The following EHD4 variants were observed in gnomAD, a reference collection of about 807,000 sequenced individuals.
EHD4 encodes the protein EH domain containing 4.
EHD4 carries 37 observed loss-of-function variants against 51.0 expected under a neutral mutation model. The observed-to-expected ratio is 0.73, with a 90% CI of 0.56 to 0.95. EHD4 has a LOEUF of 0.95. Ranked by LOEUF, EHD4 falls within the 40% of genes least tolerant of loss-of-function variation. The pLI, the probability that EHD4 is intolerant of heterozygous loss-of-function variation, is 0.00. For missense variants in EHD4, 632 were observed against 733.1 expected (o/e 0.86, Z 1.59); for synonymous variants, 297 against 317.3 (o/e 0.94, Z 0.68).
intron 1 of EHD4, among the ~76,000 whole-genome samples, chr15:41,956,187 A>G (rs755363839): frequency 4.6e-5 from 7 of 152,260 alleles, no homozygotes; most frequent in Non-Finnish European, 7.3e-5. Context: ...AAGGTCACAC[A>G]CACTGATTAA....
Position 41,899,795 on chromosome 15 carries a change from G to A in EHD4, c.*850C>T, listed in dbSNP as rs1487219133. On this transcript the variant is annotated 3_prime_UTR_variant, in exon 6 of 6. Coordinates refer to ENST00000220325, the MANE Select transcript of EHD4 (RefSeq NM_139265.4). ...CTTTACTGTAGTTTAAGTATGATAA[G>A]TGGGCTTTGCTATTACTTATTGGAA... The A allele has an allele frequency of 6.6e-6, 1 of 152,244 alleles. No individual in the cohort carries two copies. Among genetic ancestry groups the A allele is most frequent in the African/African-American group, 2.4e-5 (1 of 41,464 alleles). 9.4% of individuals were successfully genotyped at this position (152,244 alleles called of 1,614,324 possible). A position where few individuals can be genotyped will look rare whatever the true frequency, so the allele number is the denominator to read the frequency against.
At chr15:41,914,785 AT>A (rs10713712) in intron 4 of EHD4, among the ~76,000 whole-genome samples, 95,223 of 126,322 alleles carry the variant, frequency 0.75, 36,058 homozygotes, top group East Asian at 0.96. Flanking sequence ...TTACAGGAGA[AT>A]TTTTTTTTTT....
Position 41,919,485 on chromosome 15 carries a change from T to C in EHD4, c.649A>G (p.Ile217Val). 6.4e-7 allele frequency: 1 copy of C among 1,559,456 alleles called. No individual in the cohort carries two copies. The highest frequency in any genetic ancestry group is 8.7e-7 in the Non-Finnish European group (1 of 1,154,814). ...TCGGCCTTGTTCAGCACGACACGGA[T>C]CTTGTCGTCCTGGCCCCGGAAGGCC... ...IKAFRGQDDK[I>V]RVVLNKADQV... Residue 217 changes from isoleucine to valine, a missense_variant, in exon 4 of 6, where the codon ATC becomes GTC. Physicochemically the swap from Ile to Val is conservative, Grantham distance 29. Coordinates refer to ENST00000220325, the MANE Select transcript of EHD4 (RefSeq NM_139265.4).
At chr15:41,950,672 G>A (rs1285951459) in intron 2 of EHD4, among the ~76,000 whole-genome samples, 1 of 152,160 alleles carries the variant, frequency 6.6e-6, no homozygotes, top group Admixed American at 6.5e-5. Context: ...GAGTTTACAT[G>A]AGGCATGTCC....
intron 5 of EHD4, among the ~76,000 whole-genome samples, chr15:41,906,776 C>A (rs560903092): frequency 6.6e-6 from 1 of 152,364 alleles, no homozygotes; most frequent in East Asian, 1.9e-4. Flanking sequence ...GGGTGACACA[C>A]CTGGTCTGGC....
chr15:41,936,973 G>T (rs1189389948), intron 3 of EHD4, among the ~76,000 whole-genome samples: 1 of 152,254 alleles, frequency 6.6e-6, no homozygotes, highest in African/African-American at 2.4e-5. Context: ...AACAGGATCT[G>T]CCAACAAATC....
At chr15:41,956,275 G>A (rs367725308) in intron 1 of EHD4, among the ~76,000 whole-genome samples, 8 of 152,080 alleles carry the variant, frequency 5.3e-5, no homozygotes, top group Non-Finnish European at 8.8e-5. Context: ...TGGGTGGCTC[G>A]CGGCAACACG....
rs557160546 is a variant in EHD4, at chr15:41,897,554, G to C, written c.*3091C>G. 1 of 152,480 alleles carries C rather than the reference G, an allele frequency of 6.6e-6. No homozygotes were observed. The highest frequency in any genetic ancestry group is 2.1e-4 in the South Asian group (1 of 4,828). 9.4% of individuals were successfully genotyped at this position (152,480 alleles called of 1,614,324 possible). ...GAGAAATGAATTGACAGACGCTGCA[G>C]GGCTGGAGCAGGAGGCGGAAGCAGG... is the stretch of plus-strand genomic sequence containing the variant. On this transcript the variant is annotated 3_prime_UTR_variant, in exon 6 of 6. Transcript: ENST00000220325.
At chr15:41,916,172 C>T (rs2067582526) in intron 4 of EHD4, among the ~76,000 whole-genome samples, 1 of 152,110 alleles carries the variant, frequency 6.6e-6, no homozygotes, top group South Asian at 2.1e-4. Flanking sequence ...GCTTGATAAA[C>T]CTAAACTTTG....
intron 3 of EHD4, 47 bp downstream of exon 3, chr15:41,943,020 G>T: frequency 1.4e-6 from 2 of 1,447,556 alleles, no homozygotes; most frequent in East Asian, 2.5e-5. Context: ...ACAGCAGAGA[G>T]GGCCTCAGCC....
At chr15:41,938,424 T>A (rs1461983312) in intron 3 of EHD4, among the ~76,000 whole-genome samples, 3 of 152,238 alleles carry the variant, frequency 2.0e-5, no homozygotes, top group Non-Finnish European at 4.4e-5. Flanking sequence ...TGAAGTGCAG[T>A]TAGATCCTCC....
intron 5 of EHD4, among the ~76,000 whole-genome samples, chr15:41,901,416 C>A (rs1003779498): frequency 6.6e-6 from 1 of 152,232 alleles, no homozygotes; most frequent in Non-Finnish European, 1.5e-5. Context: ...GCCGCATGAG[C>A]GACAGCAACC....
chr15:41,902,728 C>A (rs1020167467), intron 5 of EHD4, among the ~76,000 whole-genome samples: 1 of 150,484 alleles, frequency 6.6e-6, no homozygotes, highest in East Asian at 1.9e-4. Flanking sequence ...GGTCATTAGA[C>A]CCATATATAT....
At chr15:41,957,326 G>A (rs905100959) in intron 1 of EHD4, among the ~76,000 whole-genome samples, 11 of 152,110 alleles carry the variant, frequency 7.2e-5, no homozygotes, top group African/African-American at 2.7e-4. Flanking sequence ...GTGAGACCCT[G>A]TCTCTAAATA....
intron 1 of EHD4, 46 bp downstream of exon 1, chr15:41,972,213 G>A: frequency 6.9e-7 from 1 of 1,456,008 alleles, no homozygotes; most frequent in Non-Finnish European, 9.1e-7. Context: ...GCACACGTGG[G>A]GAGGGCGGAG....
At chr15:41,929,047 T>C (rs73410617) in intron 3 of EHD4, among the ~76,000 whole-genome samples, 115 of 152,320 alleles carry the variant, frequency 7.5e-4, no homozygotes, top group African/African-American at 2.6e-3. Flanking sequence ...TCTTGGAGAA[T>C]GTAACTGGTT....
intron 4 of EHD4, among the ~76,000 whole-genome samples, chr15:41,917,184 G>A (rs1007319791): frequency 5.4e-4 from 82 of 151,862 alleles, no homozygotes; most frequent in South Asian, 6.2e-4. Flanking sequence ...GCAGTGGCAC[G>A]ATCTTGGCTC....
At chr15:41,960,802 T>C (rs1336959008) in intron 1 of EHD4, among the ~76,000 whole-genome samples, 2 of 151,798 alleles carry the variant, frequency 1.3e-5, no homozygotes, top group African/African-American at 4.8e-5. Context: ...GCCTCCCAAG[T>C]AGCTGGGATT....
intron 5 of EHD4, among the ~76,000 whole-genome samples, chr15:41,909,186 A>C (rs1300066794): frequency 1.3e-5 from 2 of 152,248 alleles, no homozygotes; most frequent in Non-Finnish European, 1.5e-5. Context: ...ATGGCTGCCC[A>C]GCACCAGCCT....
Sources: allele counts gnomAD v4.1 joint callset (sites outside exome capture counted in the v4.1 genomes callset), GRCh38; gene constraint gnomAD v4.1.1; transcripts MANE v1.5; gene names NCBI Gene and HGNC (gene_info 2026-07-23, HGNC 2026-07-21).